The following ADCY7 variants were observed in gnomAD, a reference collection of about 807,000 sequenced individuals.
The protein encoded by ADCY7 is adenylate cyclase 7.
ADCY7 carries 72 observed loss-of-function variants against 120.6 expected under a neutral mutation model. The ratio of observed to expected loss-of-function variants is 0.60; its 90% confidence interval spans 0.49 to 0.73. The LOEUF is 0.73. ADCY7 is among the 30% of genes least tolerant of loss of function. The pLI, the probability that ADCY7 is intolerant of heterozygous loss-of-function variation, is 0.00. For synonymous variants in ADCY7, 661 were observed against 628.0 expected (o/e 1.05, Z -0.78); for missense variants, 1,227 against 1,486.0 (o/e 0.83, Z 2.87).
At chr16:50,274,596 C>T (rs1052878046) in intron 1 of ADCY7, among the ~76,000 whole-genome samples, 1 of 152,236 alleles carries the variant, frequency 6.6e-6, no homozygotes, top group Admixed American at 6.5e-5. Flanking sequence ...AGGGTCTTAG[C>T]GCCTTGGTTT....
chr16:50,281,287 G>A (rs926855588), intron 1 of ADCY7, among the ~76,000 whole-genome samples: 8 of 152,228 alleles, frequency 5.3e-5, no homozygotes, highest in Admixed American at 2.6e-4. Context: ...GTGTGCAGGC[G>A]ACTGCTATTC....
chr16:50,266,154 T>C (rs937818069), upstream of ADCY7, among the ~76,000 whole-genome samples: 3 of 151,918 alleles, frequency 2.0e-5, no homozygotes, highest in African/African-American at 7.3e-5. Flanking sequence ...GATAGGGAAA[T>C]TGAGTCCCAG....
At chr16:50,271,025 C>G (rs1032964914) in intron 1 of ADCY7, among the ~76,000 whole-genome samples, 9 of 152,210 alleles carry the variant, frequency 5.9e-5, no homozygotes, top group Non-Finnish European at 1.2e-4. Flanking sequence ...CAACTGGCCA[C>G]ATCATGGCTA....
upstream of ADCY7, among the ~76,000 whole-genome samples, chr16:50,263,147 A>C (rs3916091): frequency 0.99 from 150,287 of 152,300 alleles, 74,179 homozygotes; most frequent in East Asian, 1. Context: ...TTGGTGCCTT[A>C]TTCTACAGAG....
intron 1 of ADCY7, among the ~76,000 whole-genome samples, chr16:50,281,665 C>G (rs1373249471): frequency 6.6e-6 from 1 of 152,196 alleles, no homozygotes; most frequent in African/African-American, 2.4e-5. Context: ...GGGAAGGCCT[C>G]TTGGTACGGG....
intron 1 of ADCY7, among the ~76,000 whole-genome samples, chr16:50,255,378 C>T (rs1303343091): frequency 7.8e-6 from 1 of 127,538 alleles, no homozygotes; most frequent in Admixed American, 9.3e-5. Context: ...GCTACCATGC[C>T]TGGCCCATAA....
Position 50,266,613 on chromosome 16 carries a change from GGCAGGCGGGGGCCGGGCCACCTCCCT to G in ADCY7, c.-331_-306del, listed in dbSNP as rs2033227031. On this transcript the variant is annotated 5_prime_UTR_variant, in exon 1 of 26. Transcript: ENST00000673801. ...GTGAGCCTGGGCGCGTCTGAGGAAG[GGCAGGCGGGGGCCGGGCCACCTCCCT>G]GCAGACCCTGGCCGGCTGCTGGGGC... 6.5e-6 allele frequency: 1 copy of G among 153,924 alleles called. No individual in the cohort carries two copies. The highest frequency in any genetic ancestry group is 1.8e-4 in the South Asian group (1 of 5,618). The allele number at this position is 153,924 out of a possible 1,614,324, so 9.5% of individuals were successfully genotyped here.
chr16:50,314,807 T>C, intron 24 of ADCY7: 1 of 596,038 alleles, frequency 1.7e-6, no homozygotes, highest in Admixed American at 2.7e-5. Flanking sequence ...CCCAGACTTC[T>C]GAGTCTGAAA....
intron 1 of ADCY7, among the ~76,000 whole-genome samples, chr16:50,257,988 G>A (rs770695064): frequency 3.3e-5 from 5 of 152,052 alleles, no homozygotes; most frequent in African/African-American, 4.8e-5. Context: ...CAAGTGATAC[G>A]CTTGCCTCGG....
At chr16:50,251,687 C>T (rs920346069) in intron 1 of ADCY7, among the ~76,000 whole-genome samples, 8 of 152,262 alleles carry the variant, frequency 5.3e-5, no homozygotes, top group East Asian at 3.8e-4. Flanking sequence ...GGTGGAAGCT[C>T]GGCAGGGTGG....
Position 50,312,937 on chromosome 16 carries a change from C to T in ADCY7, c.2652C>T (p.Ser884=), listed in dbSNP as rs143161770. Residue 884 remains serine (S), a synonymous_variant, in exon 22 of 26, where the codon TCC becomes TCT. Coordinates refer to ENST00000673801, the MANE Select transcript of ADCY7 (RefSeq NM_001114.5). ...ACTGCGTCTGTGTCATGTTTGCCTC[C>T]GTGCCGGACTTCAAAGTGTTCTACA... ...SYDCVCVMFA[S]VPDFKVFYTE... 30 of 1,614,016 alleles carry T rather than the reference C, an allele frequency of 1.9e-5. No homozygotes were observed. The highest frequency in any genetic ancestry group is 6.7e-5 in the African/African-American group (5 of 74,914).
intron 16 of ADCY7, 82 bp from the exon 17 acceptor site, chr16:50,308,585 A>G: frequency 6.4e-7 from 1 of 1,557,558 alleles, no homozygotes; most frequent in South Asian, 1.2e-5. Context: ...TCTCCCGAGG[A>G]TACCCCTCCC....
chr16:50,304,837 G>A lies in ADCY7; in HGVS notation c.1561-88G>A. 2 of 1,557,802 alleles carry A rather than the reference G, an allele frequency of 1.3e-6. 1 individual carries two copies. The highest frequency in any genetic ancestry group is 2.2e-5 in the South Asian group (2 of 89,962). On this transcript the variant is annotated intron_variant, in intron 11 of 25. Coordinates refer to ENST00000673801, the MANE Select transcript of ADCY7 (RefSeq NM_001114.5). ...CGACACCTTGTCCTGTGTATCAAGTGCCGGAGGGGCTGAACCTGGCCCAGC... is the reference window on the plus strand; with the variant it reads ...CGACACCTTGTCCTGTGTATCAAGTACCGGAGGGGCTGAACCTGGCCCAGC...
At chr16:50,313,350 G>C (rs1312619281) in intron 22 of ADCY7, 1 of 297,344 alleles carries the variant, frequency 3.4e-6, no homozygotes, top group Non-Finnish European at 6.6e-6. Context: ...AACCTGGGAG[G>C]CGGTTGCAGT....
chr16:50,245,597 G>A (rs1039872317), upstream of ADCY7, among the ~76,000 whole-genome samples: 20 of 152,126 alleles, frequency 1.3e-4, no homozygotes, highest in Non-Finnish European at 2.4e-4. Flanking sequence ...CACCTACAGG[G>A]GTGGTCGCTG....
intron 2 of ADCY7, among the ~76,000 whole-genome samples, chr16:50,289,847 A>G (rs953371590): frequency 6.6e-6 from 1 of 152,252 alleles, no homozygotes; most frequent in Non-Finnish European, 1.5e-5. Flanking sequence ...TATGTGAGTG[A>G]AGTGGCCAGG....
intron 1 of ADCY7, among the ~76,000 whole-genome samples, chr16:50,275,947 G>C (rs1249124244): frequency 6.6e-6 from 1 of 152,218 alleles, no homozygotes; most frequent in Non-Finnish European, 1.5e-5. Flanking sequence ...TCTCAGAGGA[G>C]ACAGCCAGCC....
At chr16:50,255,862 G>T (rs2032904786) in intron 1 of ADCY7, among the ~76,000 whole-genome samples, 1 of 152,200 alleles carries the variant, frequency 6.6e-6, no homozygotes, top group Non-Finnish European at 1.5e-5. Flanking sequence ...TCAATAAATG[G>T]TGTTGAGAAG....
rs775452147 is a variant in ADCY7 at position 50,293,390 on chromosome 16, T to G, written c.724T>G (p.Ser242Ala). The G allele has an allele frequency of 6.2e-7, 1 of 1,613,798 alleles. No homozygotes were observed. ...GCTGTCAGTGCTTCCGGCCCACATCTCCATGGGCATGAAGCTGGCCATCAT... is the reference window on the plus strand; with the variant it reads ...GCTGTCAGTGCTTCCGGCCCACATCGCCATGGGCATGAAGCTGGCCATCAT... ...LLLSVLPAHISMGMKLAIIER... is the reference protein window; with the variant it reads ...LLLSVLPAHIAMGMKLAIIER... Residue 242 changes from serine to alanine, a missense_variant, in exon 6 of 26, where the codon TCC becomes GCC. Physicochemically the swap from Ser to Ala is moderately conservative, Grantham distance 99. This residue lies in a region of ADCY7 where 382 missense variants were observed against 411.4 expected (regional missense o/e 0.93). Coordinates refer to ENST00000673801, the MANE Select transcript of ADCY7 (RefSeq NM_001114.5).
Sources: allele counts gnomAD v4.1 joint callset (sites outside exome capture counted in the v4.1 genomes callset), GRCh38; gene constraint gnomAD v4.1.1; regional missense constraint gnomAD v4.1.1; transcripts MANE v1.5; gene names NCBI Gene and HGNC (gene_info 2026-07-23, HGNC 2026-07-21).